MICAL3: variants seen among roughly 807,000 people sequenced by gnomAD.
The protein encoded by MICAL3 is [F-actin]-monooxygenase MICAL3.
Under a neutral mutation model 207.4 loss-of-function variants are expected in MICAL3, and 62 were observed. The observed-to-expected ratio is 0.30, with a 90% CI of 0.24 to 0.37. The LOEUF (loss-of-function observed/expected upper bound fraction) is 0.37, where lower values mean the gene tolerates loss of function less well. Among genes scored for constraint, MICAL3 ranks in the 10% least tolerant of loss-of-function variants. The pLI is 1.00. For synonymous variants in MICAL3, 1,077 were observed against 1,069.3 expected (o/e 1.01, Z -0.14); for missense variants, 2,368 against 2,635.6 (o/e 0.90, Z 2.22).
chr22:17,967,829 T>C (rs1020032765), intron 1 of MICAL3, among the ~76,000 whole-genome samples: 2 of 152,050 alleles, frequency 1.3e-5, no homozygotes, highest in Non-Finnish European at 2.9e-5. Context: ...GGCAGATCAC[T>C]AGGTCAGGAG....
intron 27 of MICAL3, among the ~76,000 whole-genome samples, chr22:17,811,808 G>C (rs1346409328): frequency 6.6e-6 from 1 of 152,174 alleles, no homozygotes; most frequent in East Asian, 1.9e-4. Context: ...GCAGTGATAC[G>C]ATCATGGCTC....
At chr22:17,821,979 G>A in intron 24 of MICAL3, 51 bp downstream of exon 24, 1 of 1,596,670 alleles carries the variant, frequency 6.3e-7, no homozygotes, top group Non-Finnish European at 8.5e-7. Flanking sequence ...GTGTGCATAT[G>A]GCCCTCGTAG....
intron 16 of MICAL3, chr22:17,881,174 A>C: frequency 6.4e-7 from 1 of 1,568,476 alleles, no homozygotes; most frequent in Non-Finnish European, 8.8e-7. Flanking sequence ...GCAGACAGAG[A>C]CAGGAACATG....
intron 19 of MICAL3, chr22:17,861,050 G>A: frequency 2.0e-6 from 2 of 985,432 alleles, no homozygotes; most frequent in Non-Finnish European, 2.4e-6. Flanking sequence ...ATGGCTCTTG[G>A]GGTAAGGTGG....
intron 1 of MICAL3, among the ~76,000 whole-genome samples, chr22:17,998,563 A>T (rs4989210): frequency 0.29 from 36,844 of 128,018 alleles, 4,948 homozygotes; most frequent in Middle Eastern, 0.36. Context: ...TATTATTATT[A>T]TTTTTTTTTT....
At chr22:17,899,636 G>A in intron 6 of MICAL3, 88 bp from the exon 7 acceptor site, 1 of 811,846 alleles carries the variant, frequency 1.2e-6, no homozygotes, top group African/African-American at 1.7e-5. Context: ...CAGGCCTACA[G>A]AGACAAGGGC....
At chr22:17,825,995 C>T (rs1187556402) in intron 22 of MICAL3, among the ~76,000 whole-genome samples, 1 of 152,182 alleles carries the variant, frequency 6.6e-6, no homozygotes, top group East Asian at 1.9e-4. Flanking sequence ...ATAGCACCCG[C>T]CCATCCTCTG....
At chr22:17,928,312 A>G (rs9605434) in intron 1 of MICAL3, among the ~76,000 whole-genome samples, 2,704 of 152,102 alleles carry the variant, frequency 0.018, 34 homozygotes, top group Non-Finnish European at 0.027. Context: ...GGTGGCGGGC[A>G]TCTGTAGTCC....
Position 17,998,987 on chromosome 22 carries a change from C to T in MICAL3, c.-75+25294G>A, listed in dbSNP as rs79916486. Among the ~76,000 whole-genome samples the T allele has an allele frequency of 6.8e-3, 1,028 of 152,258 alleles. 10 individuals carry two copies. The highest frequency in any genetic ancestry group is 0.022 in the African/African-American group (898 of 41,522). ...TGTTCACATGGAACCTGCTACAAGA[C>T]GGAGAAGGCAAATGGCTGCTCCTAG... On this transcript the variant is annotated intron_variant, in intron 1 of 31. Coordinates refer to ENST00000441493, the MANE Select transcript of MICAL3 (RefSeq NM_015241.3).
intron 1 of MICAL3, among the ~76,000 whole-genome samples, chr22:17,935,739 AATAACC>A (rs1347841101): frequency 1.3e-5 from 2 of 152,226 alleles, no homozygotes; most frequent in Non-Finnish European, 2.9e-5. Context: ...ACAAGAAAAA[AATAACC>A]TCATCAAAAA....
At chr22:17,970,455 G>A (rs942452578) in intron 1 of MICAL3, among the ~76,000 whole-genome samples, 4 of 151,532 alleles carry the variant, frequency 2.6e-5, no homozygotes, top group African/African-American at 9.8e-5. Flanking sequence ...GCCCCTTTGG[G>A]AGTCAGATAA....
intron 27 of MICAL3, 58 bp from the exon 28 acceptor site, chr22:17,810,871 G>A (rs2062040912): frequency 1.4e-6 from 2 of 1,416,466 alleles, no homozygotes; most frequent in African/African-American, 2.8e-5. Context: ...GGACAGGGGT[G>A]GGCAGCAGGC....
intron 1 of MICAL3, among the ~76,000 whole-genome samples, chr22:17,994,721 C>CA (rs11451637): frequency 0.31 from 39,298 of 126,272 alleles, 5,661 homozygotes; most frequent in East Asian, 0.54. Context: ...GACTCTGTCT[C>CA]AAAAAAAAAA....
chr22:17,958,702 T>G lies in MICAL3; in HGVS notation c.-74-51816A>C, dbSNP rs562499160. Among the ~76,000 whole-genome samples, 687 of 151,032 alleles carry G rather than the reference T, an allele frequency of 4.5e-3. 5 individuals are homozygous for G. The highest frequency in any genetic ancestry group is 7.1e-3 in the Non-Finnish European group (481 of 67,900). ...TGTTGTTTTTGAGTTGTTGGGTTTT[T>G]TTATTTTTTTTTTCTTTTGAGACAG... On this transcript the variant is annotated intron_variant, in intron 1 of 31. Coordinates refer to ENST00000441493, the MANE Select transcript of MICAL3 (RefSeq NM_015241.3).
intron 1 of MICAL3, among the ~76,000 whole-genome samples, chr22:17,946,682 G>A (rs1483399590): frequency 6.6e-6 from 1 of 152,210 alleles, no homozygotes; most frequent in Non-Finnish European, 1.5e-5. Context: ...TTCCTCTTAT[G>A]TGGAAGATAG....
At chr22:17,891,008 TA>T (rs1930350229) in intron 12 of MICAL3, among the ~76,000 whole-genome samples, 1 of 152,216 alleles carries the variant, frequency 6.6e-6, no homozygotes, top group Admixed American at 6.5e-5. Context: ...TGAACCATCA[TA>T]AATTGGTCAA....
At chr22:17,792,213 G>A (rs2145946509) in intron 29 of MICAL3, among the ~76,000 whole-genome samples, 1 of 152,354 alleles carries the variant, frequency 6.6e-6, no homozygotes, top group East Asian at 1.9e-4. Flanking sequence ...TGGCAAAAGT[G>A]TGGTCCTGCC....
chr22:17,877,215 A>AGGGAGG (rs1928724823), intron 16 of MICAL3, among the ~76,000 whole-genome samples: 3 of 113,506 alleles, frequency 2.6e-5, no homozygotes, highest in Non-Finnish European at 3.6e-5. Context: ...TATGGAGGTT[A>AGGGAGG]TGGAGGTTAG....
intron 1 of MICAL3, among the ~76,000 whole-genome samples, chr22:17,921,334 T>A (rs1468991805): frequency 6.6e-6 from 1 of 152,316 alleles, no homozygotes; most frequent in East Asian, 1.9e-4. Flanking sequence ...ATACTGAAGC[T>A]CTCAAAATCA....
Sources: allele counts gnomAD v4.1 joint callset (sites outside exome capture counted in the v4.1 genomes callset), GRCh38; gene constraint gnomAD v4.1.1; transcripts MANE v1.5; gene names NCBI Gene and HGNC (gene_info 2026-07-23, HGNC 2026-07-21).